The following NUMB variants were observed in gnomAD, a reference collection of about 807,000 sequenced individuals.
The protein encoded by NUMB is NUMB endocytic adaptor protein.
In NUMB, 29 loss-of-function variants were observed where a neutral mutation model predicts 59.7. That is an observed-to-expected ratio of 0.49 (90% CI 0.36 to 0.66). The LOEUF (loss-of-function observed/expected upper bound fraction) is 0.66. Among genes scored for constraint, NUMB ranks in the 30% least tolerant of loss-of-function variants. The pLI, the probability that NUMB is intolerant of heterozygous loss-of-function variation, is 0.00. For synonymous variants in NUMB, 288 were observed against 288.2 expected (o/e 1.00, Z 0.01); for missense variants, 723 against 822.0 (o/e 0.88, Z 1.47).
intron 1 of NUMB, among the ~76,000 whole-genome samples, chr14:73,446,475 C>A (rs995848353): frequency 2.0e-5 from 3 of 151,992 alleles, no homozygotes; most frequent in Admixed American, 2.0e-4. Context: ...GGCGTGGTGG[C>A]ACACCCTGTA....
intron 2 of NUMB, among the ~76,000 whole-genome samples, chr14:73,378,836 C>T (rs1420099249): frequency 1.3e-5 from 2 of 152,150 alleles, no homozygotes; most frequent in Non-Finnish European, 2.9e-5. Context: ...CATGTCATTA[C>T]ATATTTGTCC....
chr14:73,298,702 CT>C (rs1889930484), intron 6 of NUMB: 1 of 152,144 alleles, frequency 6.6e-6, no homozygotes, highest in South Asian at 2.1e-4. Flanking sequence ...ACAAGGGAGA[CT>C]TTTAGAACTA....
Position 73,445,371 on chromosome 14 carries a change from A to C in NUMB, c.-233+13122T>G, listed in dbSNP as rs867003261. ...CCCTGTCTCAAAAAAAAAAAAAAAA[A>C]AAAAAAAAAAAAAAAAAAAAAAAAA... On this transcript the variant is annotated intron_variant, in intron 1 of 12. Coordinates refer to ENST00000555238, the MANE Select transcript of NUMB (RefSeq NM_001005743.2). Among the ~76,000 whole-genome samples, 314 of 94,200 alleles carry C rather than the reference A, an allele frequency of 3.3e-3. 5 individuals are homozygous for C. Among genetic ancestry groups the C allele is most frequent in the African/African-American group, 6.4e-3 (156 of 24,424 alleles). The allele number at this position is 94,200 out of a possible 152,430, so 61.8% of individuals were successfully genotyped here. A position where few individuals can be genotyped will look rare whatever the true frequency, so the allele number is the denominator to read the frequency against.
intron 1 of NUMB, among the ~76,000 whole-genome samples, chr14:73,422,272 T>C (rs961149332): frequency 3.3e-5 from 5 of 152,184 alleles, no homozygotes; most frequent in Non-Finnish European, 5.9e-5. Flanking sequence ...ATGTCAAAAC[T>C]GGACTCATCC....
chr14:73,445,381 A>AAAAAAAC (rs1555384194), intron 1 of NUMB, among the ~76,000 whole-genome samples: 17 of 129,844 alleles, frequency 1.3e-4, no homozygotes, highest in Non-Finnish European at 2.5e-4. Flanking sequence ...AAAAAAAAAA[A>AAAAAAAC]AAAAAAAAAA....
intron 1 of NUMB, among the ~76,000 whole-genome samples, chr14:73,444,489 AAC>A (rs1883319487): frequency 6.6e-6 from 1 of 152,156 alleles, no homozygotes; most frequent in Admixed American, 6.6e-5. Context: ...AAATAATCAA[AAC>A]ACAACCAAAG....
At chr14:73,293,397 T>C (rs1425176366) in intron 7 of NUMB, among the ~76,000 whole-genome samples, 10 of 140,808 alleles carry the variant, frequency 7.1e-5, no homozygotes, top group African/African-American at 2.4e-4. Context: ...CTTTTTCTTT[T>C]TTTTTTTTTT....
intron 1 of NUMB, among the ~76,000 whole-genome samples, chr14:73,423,036 A>C (rs1358367121): frequency 6.6e-6 from 1 of 152,140 alleles, no homozygotes; most frequent in African/African-American, 2.4e-5. Context: ...CATATTACTT[A>C]TAAGGTGAAC....
chr14:73,364,604 T>TA (rs1267324890), intron 3 of NUMB, among the ~76,000 whole-genome samples: 1 of 152,176 alleles, frequency 6.6e-6, no homozygotes, highest in Non-Finnish European at 1.5e-5. Flanking sequence ...GTACTTCCTT[T>TA]AAAAAATTAA....
chr14:73,449,522 T>C (rs1595052799), intron 1 of NUMB, among the ~76,000 whole-genome samples: 2 of 152,286 alleles, frequency 1.3e-5, no homozygotes, highest in South Asian at 2.1e-4. Context: ...GCTGGTTGAA[T>C]CCAAGGATGC....
rs1320935014 is a variant in NUMB at position 73,289,866 on chromosome 14, A to G, written c.451-2552T>C. Among the ~76,000 whole-genome samples the G allele has an allele frequency of 2.0e-5, 3 of 152,316 alleles. No individual in the cohort carries two copies. The East Asian group carries it at 5.8e-4, about 29-fold the overall frequency. ...TATTATAAGGACAGAGCTACAGGTC[A>G]AGGAAGCTTGCTTATTCTTTCTCCT... On this transcript the variant is annotated intron_variant, in intron 8 of 12. Coordinates refer to ENST00000555238, the MANE Select transcript of NUMB (RefSeq NM_001005743.2).
rs146198261 is a variant in NUMB, at chr14:73,447,215, G to A, written c.-233+11278C>T. ...AAAAAAAAACCAGCATAGGCCGGGT[G>A]CAGTGGCTCACGCCTGTAATCTCAG... On this transcript the variant is annotated intron_variant, in intron 1 of 12. Transcript: ENST00000555238. 3.2e-3 allele frequency among the ~76,000 whole-genome samples: 483 copies of A among 151,658 alleles called. 1 individual carries two copies. The highest frequency in any genetic ancestry group is 0.011 in the African/African-American group (454 of 41,306).
At chr14:73,404,921 C>T (rs1896589046) in intron 2 of NUMB, among the ~76,000 whole-genome samples, 4 of 151,938 alleles carry the variant, frequency 2.6e-5, no homozygotes, top group Admixed American at 1.3e-4. Flanking sequence ...CCACTGAGCC[C>T]GGCTAATTTT....
intron 2 of NUMB, among the ~76,000 whole-genome samples, chr14:73,397,941 A>G (rs1000641150): frequency 2.6e-5 from 4 of 152,160 alleles, no homozygotes; most frequent in Admixed American, 6.6e-5. Flanking sequence ...AAGAATGGTA[A>G]AGGCCCAGCT....
At chr14:73,381,985 C>T (rs990325892) in intron 2 of NUMB, among the ~76,000 whole-genome samples, 4 of 152,216 alleles carry the variant, frequency 2.6e-5, no homozygotes, top group South Asian at 2.1e-4. Flanking sequence ...AACCTCACAG[C>T]GACAGAAATT....
intron 2 of NUMB, among the ~76,000 whole-genome samples, chr14:73,385,538 G>A (rs1004986048): frequency 9.3e-6 from 1 of 107,910 alleles, no homozygotes; most frequent in Non-Finnish European, 1.7e-5. Context: ...GTCTTGCTCT[G>A]TAGCCCAGGC....
intron 2 of NUMB, among the ~76,000 whole-genome samples, chr14:73,376,323 TTAAGTA>T (rs1287298082): frequency 5.9e-5 from 9 of 152,030 alleles, no homozygotes; most frequent in African/African-American, 7.2e-5. Context: ...CAAAAATGAC[TTAAGTA>T]TAAGTCTAAT....
intron 4 of NUMB, among the ~76,000 whole-genome samples, chr14:73,329,467 T>TTC (rs1017306086): frequency 6.6e-6 from 1 of 152,164 alleles, no homozygotes; most frequent in Admixed American, 6.5e-5. Context: ...CTCAGTCCTC[T>TTC]TCTCTCTCTC....
intron 6 of NUMB, among the ~76,000 whole-genome samples, chr14:73,311,707 C>A (rs995843928): frequency 4.6e-5 from 7 of 152,204 alleles, no homozygotes; most frequent in African/African-American, 1.7e-4. Context: ...TATCCTGGAT[C>A]ATCAAATCAT....
Sources: gnomAD v4.1 joint callset for allele counts (sites outside exome capture counted in the v4.1 genomes callset) on GRCh38, gnomAD v4.1.1 for gene constraint, MANE v1.5 for transcripts, NCBI Gene and HGNC (gene_info 2026-07-23, HGNC 2026-07-21) for gene names.